The following VPS13C variants were observed in gnomAD, a reference collection of about 807,000 sequenced individuals.
VPS13C encodes vacuolar protein sorting 13 homolog C.
Under a neutral mutation model 456.8 loss-of-function variants are expected in VPS13C, and 358 were observed. The observed-to-expected ratio is 0.78, with a 90% CI of 0.72 to 0.86. The LOEUF is 0.86. Among genes scored for constraint, VPS13C ranks in the 40% least tolerant of loss-of-function variants. The probability of loss-of-function intolerance (pLI) is 0.00; values close to 1 mark genes in which losing one functional copy is unlikely to be tolerated. For synonymous variants in VPS13C, 1,578 were observed against 1,486.7 expected (o/e 1.06, Z -1.41); for missense variants, 4,818 against 4,385.4 (o/e 1.10, Z -2.79).
At chr15:61,979,669 T>C (rs1355732996) in intron 22 of VPS13C, among the ~76,000 whole-genome samples, 1 of 152,198 alleles carries the variant, frequency 6.6e-6, no homozygotes. Flanking sequence ...AGAGGACCGA[T>C]GATTAACAGC....
At chr15:61,972,884 C>T (rs2045597372) in intron 26 of VPS13C, 120 bp from the exon 27 acceptor site, 1 of 1,093,038 alleles carries the variant, frequency 9.1e-7, no homozygotes, top group Non-Finnish European at 1.3e-6. Flanking sequence ...TCATATTCAG[C>T]ATCAGAATAG....
At chr15:62,041,427 C>G in intron 2 of VPS13C, 61 bp from the exon 3 acceptor site, 2 of 1,496,164 alleles carry the variant, frequency 1.3e-6, no homozygotes, top group Non-Finnish European at 1.8e-6. Flanking sequence ...CCAAAAATCA[C>G]TTTTGTGTGA....
intron 49 of VPS13C, among the ~76,000 whole-genome samples, chr15:61,932,382 A>G (rs1252878246): frequency 6.6e-6 from 1 of 152,188 alleles, no homozygotes; most frequent in Non-Finnish European, 1.5e-5. Context: ...AATGGTAGGG[A>G]AAAAACTAGA....
chr15:61,951,775 G>C (rs1567040175), intron 39 of VPS13C, 49 bp downstream of exon 39: 1 of 1,536,172 alleles, frequency 6.5e-7, no homozygotes, highest in Non-Finnish European at 8.8e-7. Context: ...AAAAAGGTAG[G>C]GATCATCTGC....
At chr15:61,872,365 TCAG>T (rs1895097325) in intron 78 of VPS13C, among the ~76,000 whole-genome samples, 1 of 152,098 alleles carries the variant, frequency 6.6e-6, no homozygotes, top group South Asian at 2.1e-4. Flanking sequence ...AGTTTCCACA[TCAG>T]CAAAATGAGT....
intron 6 of VPS13C, among the ~76,000 whole-genome samples, chr15:62,027,412 A>G (rs1028695216): frequency 6.6e-6 from 1 of 152,252 alleles, no homozygotes; most frequent in African/African-American, 2.4e-5. Flanking sequence ...TAAACAAAGT[A>G]ACTATAAGAC....
At chr15:62,034,000 T>C (rs1419061047) in intron 4 of VPS13C, among the ~76,000 whole-genome samples, 1 of 151,610 alleles carries the variant, frequency 6.6e-6, no homozygotes, top group African/African-American at 2.4e-5. Flanking sequence ...TATCTAGTAA[T>C]GTCATTTCTG....
At chr15:61,977,943 C>T (rs2045754951) in intron 23 of VPS13C, among the ~76,000 whole-genome samples, 1 of 151,972 alleles carries the variant, frequency 6.6e-6, no homozygotes, top group African/African-American at 2.4e-5. Flanking sequence ...AGAGTATAAA[C>T]TCTGCACATA....
intron 47 of VPS13C, among the ~76,000 whole-genome samples, chr15:61,937,186 C>A (rs1212757961): frequency 6.6e-6 from 1 of 152,210 alleles, no homozygotes; most frequent in African/African-American, 2.4e-5. Flanking sequence ...AAAAGATGCT[C>A]TCCTGCTACG....
At chr15:62,000,522 T>G (rs1323271458) in intron 16 of VPS13C, 42 bp downstream of exon 16, 2 of 1,566,604 alleles carry the variant, frequency 1.3e-6, no homozygotes, top group Admixed American at 1.8e-5. Flanking sequence ...AAGCGGGCAT[T>G]AACATGTTTA....
At chr15:61,913,501 A>G in intron 61 of VPS13C, 86 bp from the exon 62 acceptor site, 1 of 1,178,402 alleles carries the variant, frequency 8.5e-7, no homozygotes, top group Non-Finnish European at 1.2e-6. Context: ...GACTACTAGA[A>G]ATTTCTTTAG....
chr15:62,036,874 T>C (rs1392286772), intron 3 of VPS13C, among the ~76,000 whole-genome samples: 1 of 151,648 alleles, frequency 6.6e-6, no homozygotes, highest in Non-Finnish European at 1.5e-5. Flanking sequence ...CCCACAAATA[T>C]GTCTAGCTCT....
chr15:61,909,171 T>C, intron 64 of VPS13C, 46 bp from the exon 65 acceptor site: 2 of 1,597,058 alleles, frequency 1.3e-6, no homozygotes, highest in Admixed American at 3.5e-5. Flanking sequence ...TGGTTTAATC[T>C]ACACTTACAT....
chr15:62,008,127 G>C (rs1215837298), intron 14 of VPS13C, among the ~76,000 whole-genome samples: 2 of 152,156 alleles, frequency 1.3e-5, no homozygotes, highest in African/African-American at 4.8e-5. Context: ...AGCTACTTGG[G>C]AGGCTGAGGC....
In VPS13C at chr15:61,934,591, C is replaced by G. The variant is rs560340873; in HGVS notation, c.5756-260G>C. On this transcript the variant is annotated intron_variant, in intron 48 of 84. Transcript: ENST00000644861. ...AAAAAATTTTTTTTTAAAGAGGAGG[C>G]CTTAATTTTCAAGGCACTGACACCT... Among the ~76,000 whole-genome samples, 99 of 152,012 alleles carry G rather than the reference C, an allele frequency of 6.5e-4. 1 individual carries two copies. The highest frequency in any genetic ancestry group is 3.4e-3 in the Middle Eastern group (1 of 294).
intron 77 of VPS13C, among the ~76,000 whole-genome samples, chr15:61,873,957 G>GAT (rs1352547339): frequency 1.8e-5 from 2 of 112,376 alleles, no homozygotes; most frequent in East Asian, 2.2e-4. Flanking sequence ...AAGAAAATGT[G>GAT]ATACACACAC....
chr15:61,911,270 C>T (rs1297764190), intron 63 of VPS13C, among the ~76,000 whole-genome samples: 10 of 152,146 alleles, frequency 6.6e-5, no homozygotes, highest in Admixed American at 6.5e-4. Flanking sequence ...TAGTTCAAAT[C>T]CCACCTCTTC....
intron 66 of VPS13C, among the ~76,000 whole-genome samples, chr15:61,901,422 A>G (rs1364437493): frequency 6.6e-6 from 1 of 151,986 alleles, no homozygotes; most frequent in Non-Finnish European, 1.5e-5. Context: ...AAGAAAAAAA[A>G]CAAACAACCC....
chr15:61,868,712 C>T lies in VPS13C; in HGVS notation c.10810G>A (p.Gly3604Ser). Reference sequence around the variant, plus strand: ...TGTCTGTCATAAGGACGAATGATGCCATCTTCATGGATCAGGCGAGGGGGA... The same window carrying T: ...TGTCTGTCATAAGGACGAATGATGCTATCTTCATGGATCAGGCGAGGGGGA... ...LRPPRLIHED[G>S]IIRPYDRQES... Residue 3604 changes from glycine to serine, a missense_variant, in exon 81 of 85, where the codon GGC becomes AGC. Gly to Ser is a moderately conservative substitution (Grantham distance 56). Transcript: ENST00000644861. The T allele has an allele frequency of 1.2e-6, 2 of 1,614,058 alleles. No individual in the cohort carries two copies. Among genetic ancestry groups the T allele is most frequent in the African/African-American group, 1.3e-5 (1 of 75,006 alleles).
Sources: gnomAD v4.1 joint callset for allele counts (sites outside exome capture counted in the v4.1 genomes callset) on GRCh38, gnomAD v4.1.1 for gene constraint, MANE v1.5 for transcripts, NCBI Gene and HGNC (gene_info 2026-07-23, HGNC 2026-07-21) for gene names.